The following DSN1 variants were observed in gnomAD, a reference collection of about 807,000 sequenced individuals.
The protein encoded by DSN1 is kinetochore-associated protein DSN1 homolog.
A neutral mutation model predicts 45.7 loss-of-function variants in DSN1; 31 were observed. The observed-to-expected ratio is 0.68, with a 90% CI of 0.51 to 0.92. The LOEUF (loss-of-function observed/expected upper bound fraction) is 0.92, where lower values mean the gene tolerates loss of function less well. Among genes scored for constraint, DSN1 ranks in the 40% least tolerant of loss-of-function variants. DSN1 has a pLI of 0.00. For missense variants in DSN1, 394 were observed against 414.2 expected (o/e 0.95, Z 0.42); for synonymous variants, 134 against 142.3 (o/e 0.94, Z 0.41).
intron 1 of DSN1, chr20:36,773,450 T>G (rs915470362): frequency 1.1e-5 from 11 of 985,510 alleles, no homozygotes; most frequent in Non-Finnish European, 1.3e-5. Context: ...ATGGGGTCGG[T>G]AAGGGGGACT....
chr20:36,765,018 T>C (rs1987236833), intron 5 of DSN1, among the ~76,000 whole-genome samples: 1 of 151,538 alleles, frequency 6.6e-6, no homozygotes, highest in Non-Finnish European at 1.5e-5. Context: ...AGATTAAAAC[T>C]ACAAAATATC....
intron 5 of DSN1, among the ~76,000 whole-genome samples, chr20:36,766,249 C>G (rs1428998163): frequency 6.7e-6 from 1 of 149,146 alleles, no homozygotes; most frequent in Non-Finnish European, 1.5e-5. Flanking sequence ...CAAGGATACA[C>G]AAGAAACTGG....
chr20:36,752,701 G>T lies in DSN1; in HGVS notation c.*87C>A. The T allele has an allele frequency of 9.4e-7, 1 of 1,068,328 alleles. No individual in the cohort carries two copies. Among genetic ancestry groups the T allele is most frequent in the South Asian group, 1.3e-5 (1 of 75,394 alleles). The allele number at this position is 1,068,328 out of a possible 1,614,324, so 66.2% of individuals were successfully genotyped here. On this transcript the variant is annotated 3_prime_UTR_variant, in exon 11 of 11. Transcript: ENST00000373750. ...CCTGCCAGTTATCTTCAAAGGCAAC[G>T]AGCAGAAATCACGCAGTCACCACGT...
intron 10 of DSN1, among the ~76,000 whole-genome samples, chr20:36,753,223 T>G (rs1275418795): frequency 6.7e-6 from 1 of 148,750 alleles, no homozygotes; most frequent in African/African-American, 2.5e-5. Context: ...CCTAGCACGA[T>G]CCTCCAACTA....
At chr20:36,765,592 T>A (rs1987276961) in intron 5 of DSN1, among the ~76,000 whole-genome samples, 1 of 151,272 alleles carries the variant, frequency 6.6e-6, no homozygotes, top group African/African-American at 2.4e-5. Flanking sequence ...AGGCGGATCA[T>A]GAGGTCAGGA....
intron 6 of DSN1, among the ~76,000 whole-genome samples, chr20:36,760,577 C>T (rs907671579): frequency 6.6e-6 from 1 of 152,192 alleles, no homozygotes; most frequent in African/African-American, 2.4e-5. Flanking sequence ...AAACACTAGC[C>T]TGTGCTAAAA....
Position 36,753,178 on chromosome 20 carries a change from T to C in DSN1, c.962-281A>G, listed in dbSNP as rs376856536. Among the ~76,000 whole-genome samples, 21 of 122,866 alleles carry C rather than the reference T, an allele frequency of 1.7e-4. No homozygotes were observed. The East Asian group carries it at 4.3e-3, about 25-fold the overall frequency. 80.6% of individuals were successfully genotyped at this position (122,866 alleles called of 152,430 possible). On this transcript the variant is annotated intron_variant, in intron 10 of 10. Coordinates refer to ENST00000373750, the MANE Select transcript of DSN1 (RefSeq NM_001145315.2). ...GGGCAACACAGTAAGACCTTGTCTC[T>C]ACAAAAAAAAAAAAAACAATTAGCC...
intron 5 of DSN1, among the ~76,000 whole-genome samples, chr20:36,763,683 T>G (rs1338431915): frequency 2.7e-5 from 4 of 150,680 alleles, no homozygotes; most frequent in Non-Finnish European, 5.9e-5. Flanking sequence ...GGTCAAGAGA[T>G]CAACACCATC....
chr20:36,770,648 C>G (rs1169774174), intron 3 of DSN1, among the ~76,000 whole-genome samples: 1 of 152,136 alleles, frequency 6.6e-6, no homozygotes, highest in African/African-American at 2.4e-5. Context: ...TGCTTGAGCC[C>G]AGAAGTTCAA....
intron 5 of DSN1, among the ~76,000 whole-genome samples, chr20:36,762,955 T>C (rs148491253): frequency 1.7e-3 from 259 of 152,290 alleles, no homozygotes; most frequent in African/African-American, 6.0e-3. Flanking sequence ...GGTTTTACCA[T>C]GTTGTCTAGG....
At chr20:36,764,976 A>G (rs944891713) in intron 5 of DSN1, among the ~76,000 whole-genome samples, 2 of 151,962 alleles carry the variant, frequency 1.3e-5, no homozygotes, top group Non-Finnish European at 2.9e-5. Flanking sequence ...AAAAGAAAAA[A>G]TGCTTATCTT....
chr20:36,769,664 G>T (rs1256620353), intron 3 of DSN1, among the ~76,000 whole-genome samples: 2 of 152,088 alleles, frequency 1.3e-5, no homozygotes, highest in Non-Finnish European at 1.5e-5. Flanking sequence ...CCCAAGTACT[G>T]TGTTATGTAA....
At chr20:36,754,022 C>A (rs1001865404) in intron 10 of DSN1, among the ~76,000 whole-genome samples, 6 of 150,516 alleles carry the variant, frequency 4.0e-5, no homozygotes, top group African/African-American at 1.2e-4. Flanking sequence ...AAAAAACAAA[C>A]AAAAAAACCC....
At chr20:36,761,390 T>C (rs911929000) in intron 6 of DSN1, among the ~76,000 whole-genome samples, 1 of 152,210 alleles carries the variant, frequency 6.6e-6, no homozygotes, top group East Asian at 1.9e-4. Context: ...AAAAGAGACC[T>C]TGCTTCACTT....
At chr20:36,772,435 C>T (rs989482365) in intron 1 of DSN1, among the ~76,000 whole-genome samples, 1 of 150,682 alleles carries the variant, frequency 6.6e-6, no homozygotes, top group Admixed American at 6.6e-5. Context: ...ATTACAGGTG[C>T]CTGCCACCAC....
At chr20:36,764,517 T>C (rs1371589740) in intron 5 of DSN1, among the ~76,000 whole-genome samples, 1 of 152,198 alleles carries the variant, frequency 6.6e-6, no homozygotes, top group African/African-American at 2.4e-5. Flanking sequence ...AGGTACTTCC[T>C]AGAAAGTTCA....
chr20:36,754,782 C>T lies in DSN1; in HGVS notation c.942G>A (p.Gln314=). Residue 314 remains glutamine (Q), a synonymous_variant, in exon 10 of 11, where the codon CAG becomes CAA. Transcript: ENST00000373750. ...AFMDESTQCF[Q]KVSVQLGKRS... ...GCTTACCGAGCTGTACTGACACCTT[C>T]TGGAAGCACTGGGTACTTTCATCCA... is the stretch of plus-strand genomic sequence containing the variant. 1 of 1,613,948 alleles carries T rather than the reference C, an allele frequency of 6.2e-7. No individual in the cohort carries two copies. Among genetic ancestry groups the T allele is most frequent in the East Asian group, 2.2e-5 (1 of 44,876 alleles).
chr20:36,767,964 C>T lies in DSN1; in HGVS notation c.429+5G>A, dbSNP rs1026572167. 2 of 1,613,884 alleles carry T rather than the reference C, an allele frequency of 1.2e-6. No homozygotes were observed. Among genetic ancestry groups the T allele is most frequent in the Non-Finnish European group, 1.7e-6 (2 of 1,179,882 alleles). ...AAAAACATTTCCTAGTTATAAGAAC[C>T]TTACCTGGAAACTGGAAAGCAGGAG... On this transcript the variant is annotated splice_donor_5th_base_variant and intron_variant, in intron 4 of 10. Coordinates refer to ENST00000373750, the MANE Select transcript of DSN1 (RefSeq NM_001145315.2).
rs548283477 is a variant in DSN1 at position 36,762,341 on chromosome 20, A to C, written c.590+120T>G. 4.2e-5 allele frequency: 29 copies of C among 694,878 alleles called. No homozygotes were observed. In the Middle Eastern group the frequency reaches 1.8e-3, roughly 44 times the overall value. The allele number at this position is 694,878 out of a possible 1,614,324, so 43.0% of individuals were successfully genotyped here. ...TAGCCAGGATGGCCTTGATCTCCTGACCTCGTAATCCGCCCACCTCGGCCT... is the reference window on the plus strand; with the variant it reads ...TAGCCAGGATGGCCTTGATCTCCTGCCCTCGTAATCCGCCCACCTCGGCCT... On this transcript the variant is annotated intron_variant, in intron 6 of 10. Transcript: ENST00000373750.
Sources: allele counts gnomAD v4.1 joint callset (sites outside exome capture counted in the v4.1 genomes callset), GRCh38; gene constraint gnomAD v4.1.1; transcripts MANE v1.5; gene names NCBI Gene and HGNC (gene_info 2026-07-23, HGNC 2026-07-21).